Variants in FANK1 observed in about 807,000 individuals in gnomAD.
FANK1 encodes fibronectin type 3 and ankyrin repeat domains protein 1.
Under a neutral mutation model 45.3 loss-of-function variants are expected in FANK1, and 44 were observed. The ratio of observed to expected loss-of-function variants is 0.97; its 90% CI spans 0.76 to 1.25. The LOEUF (loss-of-function observed/expected upper bound fraction) is 1.25. Ranked by LOEUF, FANK1 falls within the 50% of genes most tolerant of loss-of-function variation. The probability of loss-of-function intolerance (pLI) is 0.00; values close to 1 mark genes in which losing one functional copy is unlikely to be tolerated. For synonymous variants in FANK1, 149 were observed against 152.5 expected (o/e 0.98, Z 0.17); for missense variants, 391 against 424.4 (o/e 0.92, Z 0.69).
intron 1 of FANK1, among the ~76,000 whole-genome samples, chr10:125,947,430 A>C (rs1422911382): frequency 5.3e-5 from 8 of 149,972 alleles, no homozygotes; most frequent in Admixed American, 2.6e-4. Flanking sequence ...TCTACCAAGC[A>C]AATGGAAAAC....
In FANK1 at chr10:126,009,397, A is replaced by AG. The variant is rs748958541; in HGVS notation, c.999dup (p.Lys334GlufsTer30). 3 of 1,614,150 alleles carry AG rather than the reference A, an allele frequency of 1.9e-6. No individual in the cohort carries two copies. The highest frequency in any genetic ancestry group is 2.5e-6 in the Non-Finnish European group (3 of 1,180,024). On this transcript the variant is annotated frameshift_variant, in exon 11 of 11. Transcript: ENST00000368693. LOFTEE classifies it high-confidence loss of function. ...GAGTGTAGTCTCCTTATTAGAAGAA[A>AG]GGAAAAAAAAGCAGAGGCCAAAGAA...
chr10:125,953,168 T>G (rs949593626), intron 1 of FANK1, among the ~76,000 whole-genome samples: 7 of 152,198 alleles, frequency 4.6e-5, no homozygotes, highest in Non-Finnish European at 1.0e-4. Context: ...TTCCCAGTGA[T>G]AAGCCAGGAA....
At position 125,989,400 on chromosome 10, in the gene FANK1, G is replaced by A. The variant is rs1477521314; in HGVS notation, c.316+725G>A. On this transcript the variant is annotated intron_variant, in intron 3 of 10. Coordinates refer to ENST00000368693, the MANE Select transcript of FANK1 (RefSeq NM_145235.5). ...TGCACAAAGGAAACCTTCCTTTTGTGAGTAAAGCTCTTTTTCCGTTTTATT... is the reference window on the plus strand; with the variant it reads ...TGCACAAAGGAAACCTTCCTTTTGTAAGTAAAGCTCTTTTTCCGTTTTATT... 2.6e-6 allele frequency: 4 copies of A among 1,528,496 alleles called. No homozygotes were observed. The Admixed American group carries it at 7.8e-5, about 30-fold the overall frequency. 94.7% of individuals were successfully genotyped at this position (1,528,496 alleles called of 1,614,324 possible). A position where few individuals can be genotyped will look rare whatever the true frequency, so the allele number is the denominator to read the frequency against.
At chr10:125,998,977 C>G (rs1342662698) in intron 6 of FANK1, among the ~76,000 whole-genome samples, 1 of 151,954 alleles carries the variant, frequency 6.6e-6, no homozygotes. Context: ...AACCTTATTG[C>G]TAAAATTTGA....
chr10:125,971,927 G>A (rs137928514), intron 1 of FANK1, among the ~76,000 whole-genome samples: 2,847 of 152,088 alleles, frequency 0.019, 100 homozygotes, highest in African/African-American at 0.065. Flanking sequence ...GCGCCCGGCC[G>A]CTCCGGTCTA....
chr10:125,912,287 A>G (rs1177211489), intron 1 of FANK1, among the ~76,000 whole-genome samples: 1 of 152,252 alleles, frequency 6.6e-6, no homozygotes, highest in East Asian at 1.9e-4. Context: ...ACAGAAGCAC[A>G]AACTGTAACT....
chr10:125,981,214 G>T (rs904862088), intron 2 of FANK1, among the ~76,000 whole-genome samples: 3 of 152,274 alleles, frequency 2.0e-5, no homozygotes, highest in Middle Eastern at 3.4e-3. Flanking sequence ...GAGTAATGAA[G>T]AAGTCACTTT....
intron 1 of FANK1, among the ~76,000 whole-genome samples, chr10:125,942,102 CTAAA>C (rs1948488606): frequency 6.6e-6 from 1 of 151,990 alleles, no homozygotes; most frequent in Non-Finnish European, 1.5e-5. Context: ...TGAAGGAAAA[CTAAA>C]TAAGAAATAG....
intron 6 of FANK1, among the ~76,000 whole-genome samples, chr10:126,002,512 G>A (rs959926127): frequency 3.9e-5 from 6 of 152,204 alleles, no homozygotes; most frequent in African/African-American, 1.4e-4. Context: ...ATGAGGGACT[G>A]TGTGAGGACA....
intron 1 of FANK1, among the ~76,000 whole-genome samples, chr10:125,918,192 T>G (rs1946613848): frequency 1.3e-5 from 2 of 152,306 alleles, no homozygotes; most frequent in Non-Finnish European, 2.9e-5. Flanking sequence ...GAAAATGTTC[T>G]GGAGATGGAT....
chr10:125,947,657 T>C (rs200236199), intron 1 of FANK1, among the ~76,000 whole-genome samples: 47,680 of 149,006 alleles, frequency 0.32, 7,896 homozygotes, highest in East Asian at 0.45. Flanking sequence ...ACCCACACAT[T>C]AATAATGGGA....
chr10:125,918,903 CAG>C (rs1946711140), intron 1 of FANK1, among the ~76,000 whole-genome samples: 1 of 151,930 alleles, frequency 6.6e-6, no homozygotes, highest in East Asian at 1.9e-4. Flanking sequence ...AATCAAGAAA[CAG>C]AAGTACGTTT....
intron 1 of FANK1, among the ~76,000 whole-genome samples, chr10:125,932,963 T>C (rs1949313): frequency 0.37 from 56,354 of 151,988 alleles, 10,965 homozygotes; most frequent in Non-Finnish European, 0.44. Flanking sequence ...TGAGATCATG[T>C]CATTTTTTTT....
intron 1 of FANK1, among the ~76,000 whole-genome samples, chr10:125,951,691 G>T (rs1590012439): frequency 6.6e-6 from 1 of 152,122 alleles, no homozygotes; most frequent in Non-Finnish European, 1.5e-5. Context: ...AGTCTCCATT[G>T]TTTTATAGGA....
intron 6 of FANK1, among the ~76,000 whole-genome samples, chr10:126,001,707 C>T (rs1046199606): frequency 6.6e-6 from 1 of 152,008 alleles, no homozygotes; most frequent in East Asian, 1.9e-4. Flanking sequence ...GCTGCTTGGC[C>T]CTTGGAGGAC....
At position 125,928,273 on chromosome 10, in the gene FANK1, T is replaced by TC. The variant is rs1441802145; in HGVS notation, c.13+31618_13+31619insC. ...GGATTATTCGTGCCTTTTTTTTTTT[T>TC]TTTTTTAAAGACCATGTAGGGTAAA... On this transcript the variant is annotated intron_variant, in intron 1 of 10. Transcript: ENST00000368693. Among the ~76,000 whole-genome samples the TC allele has an allele frequency of 4.0e-5, 6 of 150,692 alleles. No homozygotes were observed. In the East Asian group the frequency reaches 1.2e-3, roughly 29 times the overall value.
At chr10:125,984,626 G>A (rs1456898820) in intron 2 of FANK1, among the ~76,000 whole-genome samples, 1 of 152,218 alleles carries the variant, frequency 6.6e-6, no homozygotes, top group Non-Finnish European at 1.5e-5. Flanking sequence ...CTGGGTTGGA[G>A]AGACAGACTC....
chr10:125,943,184 A>G (rs576277639), intron 1 of FANK1, among the ~76,000 whole-genome samples: 3 of 152,274 alleles, frequency 2.0e-5, no homozygotes, highest in Non-Finnish European at 4.4e-5. Flanking sequence ...ATTGTTTCAT[A>G]GTCCAGTAAT....
At chr10:126,004,287 A>G (rs910775001) in intron 6 of FANK1, 10 of 151,708 alleles carry the variant, frequency 6.6e-5, no homozygotes, top group African/African-American at 2.4e-4. Flanking sequence ...TCTTTTTTGA[A>G]TATCATGGAC....
Sources: gnomAD v4.1 joint callset for allele counts (sites outside exome capture counted in the v4.1 genomes callset) on GRCh38, gnomAD v4.1.1 for gene constraint, MANE v1.5 for transcripts, NCBI Gene and HGNC (gene_info 2026-07-23, HGNC 2026-07-21) for gene names.